FMNL3: variants seen among roughly 807,000 people sequenced by gnomAD.
FMNL3 encodes formin-like protein 3.
Under a neutral mutation model 119.6 loss-of-function variants are expected in FMNL3, and 57 were observed. The ratio of observed to expected loss-of-function variants is 0.48; its 90% confidence interval spans 0.39 to 0.59. The LOEUF is 0.59. Among genes scored for constraint, FMNL3 ranks in the 20% least tolerant of loss-of-function variants. The probability of loss-of-function intolerance (pLI) is 0.00; values close to 1 mark genes in which losing one functional copy is unlikely to be tolerated. For synonymous variants in FMNL3, 491 were observed against 507.3 expected (o/e 0.97, Z 0.43); for missense variants, 1,053 against 1,323.5 (o/e 0.80, Z 3.17).
At position 49,651,372 on chromosome 12, in the gene FMNL3, G is replaced by A. The variant is rs755108799; in HGVS notation, c.1672+10C>T. 1.3e-6 allele frequency: 2 copies of A among 1,573,868 alleles called. No individual in the cohort carries two copies. The highest frequency in any genetic ancestry group is 3.4e-5 in the Admixed American group (2 of 58,248). The stretch of plus-strand genomic sequence containing the variant: ...CCACCAGCCCTGCCCAGAGCCCTGG[G>A]GATACTCACCTGACAGGCCCACTGT... On this transcript the variant is annotated intron_variant, in intron 15 of 25. Transcript: ENST00000335154.
chr12:49,674,803 C>G (rs148191714), intron 1 of FMNL3, among the ~76,000 whole-genome samples: 2,345 of 152,220 alleles, frequency 0.015, 22 homozygotes, highest in Middle Eastern at 0.041. Context: ...ACTCTGTAAC[C>G]AGAAATGACT....
chr12:49,672,213 C>A (rs1029067254), intron 1 of FMNL3, among the ~76,000 whole-genome samples: 1 of 152,092 alleles, frequency 6.6e-6, no homozygotes, highest in Non-Finnish European at 1.5e-5. Context: ...GACTACAGAG[C>A]AATCCATTAT....
Position 49,636,842 on chromosome 12 carries a change from C to G in FMNL3, c.*8973G>C, listed in dbSNP as rs1181834361. 2 of 1,613,894 alleles carry G rather than the reference C, an allele frequency of 1.2e-6. No individual in the cohort carries two copies. The highest frequency in any genetic ancestry group is 2.2e-5 in the South Asian group (2 of 91,068). ...CGCCAACAACGCAAGAATCGGGAGGCCTTCCAGGTATCTTTGCTGTCCTTT... is the reference window on the plus strand; with the variant it reads ...CGCCAACAACGCAAGAATCGGGAGGGCTTCCAGGTATCTTTGCTGTCCTTT... On this transcript the variant is annotated 3_prime_UTR_variant, in exon 26 of 26. Coordinates refer to ENST00000335154, the MANE Select transcript of FMNL3 (RefSeq NM_175736.5).
chr12:49,658,315 C>T lies in FMNL3; in HGVS notation c.605+127G>A, dbSNP rs1019471781. Reference sequence around the variant, plus strand: ...GACAGACCAGAGACAGACTGGCAGGCAGAGGGCAAGAGAGCTGAGCCTGGA... The same window carrying T: ...GACAGACCAGAGACAGACTGGCAGGTAGAGGGCAAGAGAGCTGAGCCTGGA... On this transcript the variant is annotated intron_variant, in intron 6 of 25. Transcript: ENST00000335154. The T allele has an allele frequency of 4.5e-6, 6 of 1,333,808 alleles. No homozygotes were observed. In the Admixed American group the frequency reaches 1.2e-4, roughly 26 times the overall value. The allele number at this position is 1,333,808 out of a possible 1,614,324, so 82.6% of individuals were successfully genotyped here. A position where few individuals can be genotyped will look rare whatever the true frequency, so the allele number is the denominator to read the frequency against.
intron 4 of FMNL3, among the ~76,000 whole-genome samples, chr12:49,662,429 T>G (rs895076767): frequency 6.6e-6 from 1 of 152,174 alleles, no homozygotes; most frequent in African/African-American, 2.4e-5. Context: ...TACAGGCCCG[T>G]GTGCAGAGTT....
At position 49,647,939 on chromosome 12, in the gene FMNL3, C is replaced by G. The variant is rs751525035; in HGVS notation, c.2677-135G>C. On this transcript the variant is annotated intron_variant, in intron 22 of 25. Transcript: ENST00000335154. The surrounding 1 kb of genome is among the most constrained non-coding windows in gnomAD (Gnocchi z 4.9). ...AACCAAGCACCCAGGCCCCTGTGAG[C>G]TGGAGGGAACCTGGGGCTCCCAAAG... 2 of 811,938 alleles carry G rather than the reference C, an allele frequency of 2.5e-6. No individual in the cohort carries two copies. Among genetic ancestry groups the G allele is most frequent in the Non-Finnish European group, 3.8e-6 (2 of 526,180 alleles). 50.3% of individuals were successfully genotyped at this position (811,938 alleles called of 1,614,324 possible).
intron 1 of FMNL3, among the ~76,000 whole-genome samples, chr12:49,684,745 G>A (rs962195419): frequency 2.0e-5 from 3 of 152,198 alleles, no homozygotes; most frequent in African/African-American, 7.2e-5. Flanking sequence ...ACTCATGACA[G>A]ATGCCATCAG....
intron 1 of FMNL3, among the ~76,000 whole-genome samples, chr12:49,698,989 G>A (rs575106536): frequency 2.0e-5 from 3 of 152,222 alleles, no homozygotes; most frequent in Non-Finnish European, 2.9e-5. Context: ...TGACAGGACC[G>A]TCCCCTCCTC....
rs777106667 is a variant in FMNL3, at chr12:49,649,675, TG to T, written c.2235+15del. 1 of 1,613,616 alleles carries T rather than the reference TG, an allele frequency of 6.2e-7. No individual in the cohort carries two copies. The highest frequency in any genetic ancestry group is 1.1e-5 in the South Asian group (1 of 91,048). ...GGGACAGCTGTCCAGAGCCATGAGTTGGGTGGGGGCTGTACCGGTGTGAGCA... is the reference window on the plus strand; with the variant it reads ...GGGACAGCTGTCCAGAGCCATGAGTTGGTGGGGGCTGTACCGGTGTGAGCA... On this transcript the variant is annotated intron_variant, in intron 18 of 25. Transcript: ENST00000335154. This position sits in a 1 kb window ranked among gnomAD's most constrained non-coding sequence, Gnocchi z 5.6.
In FMNL3 at chr12:49,707,061, C is replaced by A; in HGVS notation, c.120G>T (p.Leu40=). The part of the protein sequence containing the change: ...EPCELEERFA[L]VLSSMNLPPD... ...GGCTGGGCTCAGCTCTCACCAGCAC[C>A]AGGGCGAACCTTTCCTCCAGCTCAC... Residue 40 remains leucine, a synonymous_variant, in exon 1 of 26, where the codon CTG becomes CTT. Transcript: ENST00000335154. The A allele has an allele frequency of 1.3e-6, 2 of 1,583,284 alleles. No homozygotes were observed. The highest frequency in any genetic ancestry group is 1.2e-5 in the South Asian group (1 of 86,802).
intron 1 of FMNL3, among the ~76,000 whole-genome samples, chr12:49,676,103 A>G (rs750813696): frequency 6.6e-6 from 1 of 152,224 alleles, no homozygotes; most frequent in Non-Finnish European, 1.5e-5. Flanking sequence ...TTGAGCTCCA[A>G]GCATAATCAC....
At chr12:49,655,024 T>G (rs985909760) in intron 9 of FMNL3, 40 bp from the exon 10 acceptor site, 2 of 1,593,830 alleles carry the variant, frequency 1.3e-6, no homozygotes, top group Non-Finnish European at 8.6e-7. Context: ...ATCTGCTCCA[T>G]GCAGAACCCA....
Position 49,654,184 on chromosome 12 carries a change from C to T in FMNL3, c.1071+8G>A. 1.2e-6 allele frequency: 2 copies of T among 1,612,878 alleles called. No individual in the cohort carries two copies. The highest frequency in any genetic ancestry group is 1.7e-6 in the Non-Finnish European group (2 of 1,179,016). On this transcript the variant is annotated splice_region_variant and intron_variant, in intron 11 of 25. Transcript: ENST00000335154. Reference sequence around the variant, plus strand: ...CACCTCACCTTACAAGGACCCCAGCCAGCTCACCTGCAGGAACTCCTCTAG... The same window carrying T: ...CACCTCACCTTACAAGGACCCCAGCTAGCTCACCTGCAGGAACTCCTCTAG...
At chr12:49,656,550 C>T in intron 8 of FMNL3, 53 bp from the exon 9 acceptor site, 1 of 1,502,544 alleles carries the variant, frequency 6.7e-7, no homozygotes. Flanking sequence ...CTGACAACCA[C>T]ACAGCTCATT....
intron 13 of FMNL3, among the ~76,000 whole-genome samples, chr12:49,653,016 ATG>A (rs1335693044): frequency 1.3e-5 from 2 of 152,080 alleles, no homozygotes; most frequent in African/African-American, 4.8e-5. Context: ...CCACCCTCTT[ATG>A]TGTGTGTCTG....
Position 49,680,987 on chromosome 12 carries a change from A to G in FMNL3, c.127-12433T>C, listed in dbSNP as rs150791434. Among the ~76,000 whole-genome samples the G allele has an allele frequency of 2.4e-4, 36 of 152,360 alleles. No individual in the cohort carries two copies. The East Asian group carries it at 6.4e-3, about 27-fold the overall frequency. On this transcript the variant is annotated intron_variant, in intron 1 of 25. Transcript: ENST00000335154. ...TCTTTTTCTAACTTGAGAAGGTCCAACTTGATTTATCTGACTGGCTTTGGT... is the reference window on the plus strand; with the variant it reads ...TCTTTTTCTAACTTGAGAAGGTCCAGCTTGATTTATCTGACTGGCTTTGGT...
At chr12:49,657,217 T>G (rs749842674) in intron 6 of FMNL3, 27 bp from the exon 7 acceptor site, 5 of 1,579,282 alleles carry the variant, frequency 3.2e-6, no homozygotes, top group Non-Finnish European at 4.4e-6. Flanking sequence ...GGCAGTCAGG[T>G]GGGAGCTGAG....
chr12:49,646,658 G>T (rs1248425954), intron 25 of FMNL3: 4 of 1,533,130 alleles, frequency 2.6e-6, no homozygotes, highest in Non-Finnish European at 3.5e-6. Flanking sequence ...CCCAACCTTG[G>T]GGGCTAACAG....
At chr12:49,669,841 A>AAACAC (rs1943995810) in intron 1 of FMNL3, among the ~76,000 whole-genome samples, 1 of 135,076 alleles carries the variant, frequency 7.4e-6, no homozygotes. Flanking sequence ...CAACAAAACA[A>AAACAC]AACAAAACAA....
Sources: gnomAD v4.1 joint callset for allele counts (sites outside exome capture counted in the v4.1 genomes callset) on GRCh38, gnomAD v4.1.1 for gene constraint, Gnocchi (gnomAD v3.1) non-coding constraint, MANE v1.5 for transcripts, NCBI Gene and HGNC (gene_info 2026-07-23, HGNC 2026-07-21) for gene names.